MRPS9: variants seen among roughly 807,000 people sequenced by gnomAD.
The protein encoded by MRPS9 is mitochondrial ribosomal protein S9.
A neutral mutation model predicts 59.9 loss-of-function variants in MRPS9; 45 were observed. The ratio of observed to expected loss-of-function variants is 0.75; its 90% CI spans 0.59 to 0.96. The LOEUF (loss-of-function observed/expected upper bound fraction) is 0.96. Among genes scored for constraint, MRPS9 ranks in the 40% least tolerant of loss-of-function variants. MRPS9 has a pLI of 0.00. For synonymous variants in MRPS9, 171 were observed against 166.8 expected (o/e 1.03, Z -0.19); for missense variants, 473 against 481.1 (o/e 0.98, Z 0.16).
chr2:105,097,391 C>A, intron 10 of MRPS9, 67 bp downstream of exon 10: 2 of 1,353,698 alleles, frequency 1.5e-6, no homozygotes, highest in Non-Finnish European at 1.9e-6. Context: ...TGCTTCTTGT[C>A]CTAGTGCCTG....
intron 2 of MRPS9, among the ~76,000 whole-genome samples, chr2:105,062,866 T>G (rs527743019): frequency 6.6e-6 from 1 of 152,238 alleles, no homozygotes; most frequent in South Asian, 2.1e-4. Flanking sequence ...GAAGTTCTAC[T>G]GGACATGTTA....
chr2:105,071,854 G>C (rs1680121921), intron 4 of MRPS9, among the ~76,000 whole-genome samples: 2 of 152,092 alleles, frequency 1.3e-5, no homozygotes, highest in South Asian at 4.1e-4. Context: ...ACTGACTGTA[G>C]ATTTTCTTTT....
rs140273988 is a variant in MRPS9, at chr2:105,099,335, C to G, written c.1100-335C>G. The G allele has an allele frequency of 3.4e-3, 626 of 184,518 alleles. 5 individuals carry two copies. Among genetic ancestry groups the G allele is most frequent in the African/African-American group, 0.014 (588 of 42,580 alleles). The allele number at this position is 184,518 out of a possible 1,614,324, so 11.4% of individuals were successfully genotyped here. ...TAAGTGTGCAGGTTAAGTTCCCTTACAGTGAATAGTGACCGCCCACACAAG... is the reference window on the plus strand; with the variant it reads ...TAAGTGTGCAGGTTAAGTTCCCTTAGAGTGAATAGTGACCGCCCACACAAG... On this transcript the variant is annotated intron_variant, in intron 10 of 10. Transcript: ENST00000258455.
At chr2:105,085,795 A>G (rs544055798) in intron 5 of MRPS9, among the ~76,000 whole-genome samples, 1 of 152,296 alleles carries the variant, frequency 6.6e-6, no homozygotes, top group South Asian at 2.1e-4. Context: ...ACTGTTAAAT[A>G]CAGTATATAA....
chr2:105,095,176 T>C (rs563853294), intron 9 of MRPS9, among the ~76,000 whole-genome samples: 1 of 152,294 alleles, frequency 6.6e-6, no homozygotes, highest in East Asian at 1.9e-4. Context: ...ATAGGAAGAC[T>C]AACCAACCCA....
At chr2:105,084,118 C>T (rs550938963) in intron 5 of MRPS9, among the ~76,000 whole-genome samples, 2 of 152,028 alleles carry the variant, frequency 1.3e-5, no homozygotes, top group South Asian at 4.1e-4. Flanking sequence ...AAACACTGCA[C>T]TAGGTTTTAG....
rs1202941662 is a variant in MRPS9 at position 105,097,161 on chromosome 2, G to T, written c.936G>T (p.Gln312His). 2 of 1,574,680 alleles carry T rather than the reference G, an allele frequency of 1.3e-6. No individual in the cohort carries two copies. The highest frequency in any genetic ancestry group is 2.4e-5 in the South Asian group (2 of 84,650). ...LYFPITQDREQLMFPFHFVDR... is the reference protein window; with the variant it reads ...LYFPITQDREHLMFPFHFVDR... The stretch of plus-strand genomic sequence containing the variant: ...TACTTGTGCTGTGCTTTAGAGAACA[G>T]CTGATGTTCCCTTTCCACTTTGTTG... The change falls in exon 10 of 11, where the codon CAG becomes CAT. Residue 312 changes from glutamine to histidine, a missense_variant. By Grantham distance (24) the Gln-to-His change is conservative. Coordinates refer to ENST00000258455, the MANE Select transcript of MRPS9 (RefSeq NM_182640.3).
At chr2:105,038,303 A>G in intron 1 of MRPS9, 76 bp downstream of exon 1, 1 of 1,545,116 alleles carries the variant, frequency 6.5e-7, no homozygotes, top group Non-Finnish European at 8.8e-7. Flanking sequence ...ACCTTCCCCC[A>G]GCGTCTCGCG....
intron 4 of MRPS9, among the ~76,000 whole-genome samples, chr2:105,079,539 A>G (rs1680287093): frequency 6.6e-6 from 1 of 152,208 alleles, no homozygotes; most frequent in Non-Finnish European, 1.5e-5. Context: ...GCATAGAAAA[A>G]TACATTCTTT....
chr2:105,067,240 C>T (rs999454178), intron 2 of MRPS9, among the ~76,000 whole-genome samples: 3 of 152,140 alleles, frequency 2.0e-5, no homozygotes, highest in Admixed American at 2.0e-4. Flanking sequence ...CCTCAGTTTT[C>T]CCCAGAATGT....
intron 5 of MRPS9, among the ~76,000 whole-genome samples, chr2:105,084,541 T>G (rs188134240): frequency 6.6e-6 from 1 of 152,292 alleles, no homozygotes; most frequent in African/African-American, 2.4e-5. Flanking sequence ...GAATTCTTAC[T>G]TAGTTCAGAT....
At chr2:105,088,884 T>G in intron 5 of MRPS9, 100 bp from the exon 6 acceptor site, 1 of 709,064 alleles carries the variant, frequency 1.4e-6, no homozygotes, top group Non-Finnish European at 2.2e-6. Flanking sequence ...GGAGGACACC[T>G]TAGGAAGTAC....
intron 2 of MRPS9, among the ~76,000 whole-genome samples, chr2:105,069,026 A>G (rs1680055377): frequency 6.6e-6 from 1 of 152,200 alleles, no homozygotes; most frequent in Non-Finnish European, 1.5e-5. Context: ...TGAAGAGGTT[A>G]TAGCACTTGG....
intron 10 of MRPS9, among the ~76,000 whole-genome samples, chr2:105,098,794 G>A (rs181988942): frequency 4.1e-4 from 62 of 152,294 alleles, no homozygotes; most frequent in Non-Finnish European, 7.4e-4. Flanking sequence ...GAGTGCTAAC[G>A]TTGGAAGAGT....
intron 2 of MRPS9, among the ~76,000 whole-genome samples, chr2:105,056,380 G>A (rs1000081826): frequency 3.9e-5 from 6 of 152,152 alleles, no homozygotes; most frequent in Admixed American, 2.0e-4. Flanking sequence ...GTTAGCCCCT[G>A]ACTGTGGCTT....
intron 5 of MRPS9, among the ~76,000 whole-genome samples, chr2:105,084,482 T>C (rs74607492): frequency 0.015 from 2,285 of 152,200 alleles, 26 homozygotes; most frequent in South Asian, 0.034. Flanking sequence ...TGCTTCATTA[T>C]GTGAAGATTC....
rs942371433 is a variant in MRPS9 at position 105,049,292 on chromosome 2, G to A, written c.257G>A (p.Arg86Lys). 5 of 1,613,208 alleles carry A rather than the reference G, an allele frequency of 3.1e-6. No individual in the cohort carries two copies. Among genetic ancestry groups the A allele is most frequent in the Non-Finnish European group, 4.2e-6 (5 of 1,179,756 alleles). Residue 86 changes from arginine (R) to lysine (K), a missense_variant, in exon 2 of 11, where the codon AGA becomes AAA. Transcript: ENST00000258455. The part of the protein sequence containing the change: ...KQIEEFNIGK[R>K]HLANMMGEDP... The stretch of plus-strand genomic sequence containing the variant: ...ATTGAAGAGTTCAACATAGGAAAGA[G>A]ACATTTAGCCAACATGATGGGAGAA...
At position 105,092,460 on chromosome 2, in the gene MRPS9, G is replaced by A. The variant is rs149463519; in HGVS notation, c.711G>A (p.Glu237=). The change falls in exon 8 of 11, where the codon GAG becomes GAA. Residue 237 remains glutamate (E), a synonymous_variant. Transcript: ENST00000258455. The part of the protein sequence containing the change: ...KLLTSQCGAA[E]EEFVQRFRRS... Reference sequence around the variant, plus strand: ...TGACATCGCAGTGTGGTGCTGCTGAGGAAGAATTTGTGCAGAGGTTTCGAA... The same window carrying A: ...TGACATCGCAGTGTGGTGCTGCTGAAGAAGAATTTGTGCAGAGGTTTCGAA... 7.7e-4 allele frequency: 1,245 copies of A among 1,613,904 alleles called. 5 individuals are homozygous for A. Among genetic ancestry groups the A allele is most frequent in the Middle Eastern group, 7.4e-3 (45 of 6,062 alleles).
chr2:105,041,486 G>A (rs781643539), intron 1 of MRPS9, among the ~76,000 whole-genome samples: 3 of 150,804 alleles, frequency 2.0e-5, no homozygotes, highest in Non-Finnish European at 4.4e-5. Context: ...TTATATTTTG[G>A]TTTCCACTGT....
Sources: gnomAD v4.1 joint callset for allele counts (sites outside exome capture counted in the v4.1 genomes callset) on GRCh38, gnomAD v4.1.1 for gene constraint, MANE v1.5 for transcripts, NCBI Gene and HGNC (gene_info 2026-07-23, HGNC 2026-07-21) for gene names.